TTC27: variants seen among roughly 807,000 people sequenced by gnomAD.
The protein encoded by TTC27 is tetratricopeptide repeat domain 27, also known as tetratricopeptide repeat protein 27.
Under a neutral mutation model 115.9 loss-of-function variants are expected in TTC27, and 79 were observed. That is an observed-to-expected ratio of 0.68 (90% CI 0.57 to 0.82). The LOEUF is 0.82. Among genes scored for constraint, TTC27 ranks in the 40% least tolerant of loss-of-function variants. TTC27 has a pLI of 0.00. For missense variants in TTC27, 1,054 were observed against 993.1 expected (o/e 1.06, Z -0.82); for synonymous variants, 401 against 356.0 (o/e 1.13, Z -1.42).
Position 32,752,722 on chromosome 2 carries a change from C to T in TTC27, c.1453-5570C>T, listed in dbSNP as rs377335629. ...ATTATGGTGTCTTTAAGCAAAGTAG[C>T]GCTAGTCTTATCAGATATACTCTGC... On this transcript the variant is annotated intron_variant, in intron 12 of 19. Transcript: ENST00000317907. Among the ~76,000 whole-genome samples the T allele has an allele frequency of 9.2e-5, 14 of 152,178 alleles. No individual in the cohort carries two copies. The South Asian group carries it at 2.5e-3, about 27-fold the overall frequency.
At chr2:32,668,386 AAAAAG>A (rs1039786274) in intron 7 of TTC27, among the ~76,000 whole-genome samples, 2 of 151,898 alleles carry the variant, frequency 1.3e-5, no homozygotes, top group African/African-American at 4.8e-5. Context: ...GAAAAAAAAA[AAAAAG>A]AAAAGAAAAT....
rs372817304 is a variant in TTC27, at chr2:32,787,142, A to G, written c.1991A>G (p.Asp664Gly). ...RLLDLRDKYK[D>G]VQVLKILVRA... ...TTGGACTTACGTGACAAATACAAAGATGTTCAGGTAGGATATTCCTATTCC... is the reference window on the plus strand; with the variant it reads ...TTGGACTTACGTGACAAATACAAAGGTGTTCAGGTAGGATATTCCTATTCC... The change falls in exon 16 of 20, where the codon GAT becomes GGT. Residue 664 changes from aspartate (D) to glycine (G), a missense_variant. Asp to Gly is a moderately conservative substitution (Grantham distance 94, BLOSUM62 -1). Coordinates refer to ENST00000317907, the MANE Select transcript of TTC27 (RefSeq NM_017735.5). 9.7e-5 allele frequency: 156 copies of G among 1,611,536 alleles called. No individual in the cohort carries two copies. The highest frequency in any genetic ancestry group is 1.1e-4 in the Non-Finnish European group (135 of 1,179,442).
At chr2:32,677,210 A>G (rs1417777705) in intron 8 of TTC27, among the ~76,000 whole-genome samples, 1 of 152,118 alleles carries the variant, frequency 6.6e-6, no homozygotes, top group African/African-American at 2.4e-5. Context: ...GCATGTTGTT[A>G]TATGTAGCTG....
At chr2:32,692,516 A>G (rs1666851763) in intron 9 of TTC27, among the ~76,000 whole-genome samples, 1 of 152,194 alleles carries the variant, frequency 6.6e-6, no homozygotes, top group Admixed American at 6.5e-5. Flanking sequence ...TGTACTTAAC[A>G]TTACTGAACT....
chr2:32,719,676 T>G (rs927335901), intron 10 of TTC27, among the ~76,000 whole-genome samples: 6 of 152,194 alleles, frequency 3.9e-5, no homozygotes, highest in African/African-American at 1.4e-4. Flanking sequence ...CAGACACAGC[T>G]GCAGGAGGTA....
chr2:32,757,403 A>G (rs992995593), intron 12 of TTC27, among the ~76,000 whole-genome samples: 1 of 152,170 alleles, frequency 6.6e-6, no homozygotes, highest in African/African-American at 2.4e-5. Flanking sequence ...GGGCCAGTGA[A>G]GCAGTGTTCC....
chr2:32,659,296 TTCTC>T (rs1292395578), intron 5 of TTC27, among the ~76,000 whole-genome samples: 1 of 152,000 alleles, frequency 6.6e-6, no homozygotes, highest in Non-Finnish European at 1.5e-5. Context: ...AAATTCTACA[TTCTC>T]TCTGAAGAAA....
chr2:32,685,387 T>C (rs973747244), intron 9 of TTC27, among the ~76,000 whole-genome samples: 3 of 152,166 alleles, frequency 2.0e-5, no homozygotes, highest in Non-Finnish European at 2.9e-5. Context: ...GACCGCTTTT[T>C]TTTTGTCTTC....
chr2:32,681,980 A>G (rs7597571), intron 9 of TTC27, among the ~76,000 whole-genome samples: 1,176 of 89,976 alleles, frequency 0.013, 37 homozygotes, highest in African/African-American at 0.03. Context: ...ATGTATATAT[A>G]TGTGTGTGTG....
At chr2:32,818,652 A>C in intron 19 of TTC27, among the ~76,000 whole-genome samples, 1 of 152,230 alleles carries the variant, frequency 6.6e-6, no homozygotes, top group Non-Finnish European at 1.5e-5. Context: ...AAATTTGGAC[A>C]AATATAACTT....
intron 16 of TTC27, 59 bp downstream of exon 16, chr2:32,787,208 G>T: frequency 6.6e-7 from 1 of 1,517,112 alleles, no homozygotes; most frequent in East Asian, 2.3e-5. Flanking sequence ...TTGATCATAT[G>T]GTATAAATTA....
chr2:32,790,427 A>G lies in TTC27; in HGVS notation c.1998+3278A>G, dbSNP rs184694965. ...TTTCTTTCTTGTTTATCCATTTTAT[A>G]ATTTTATTAATAATATTTTAATTGG... On this transcript the variant is annotated intron_variant, in intron 16 of 19. Transcript: ENST00000317907. 9.1e-4 allele frequency among the ~76,000 whole-genome samples: 139 copies of G among 152,166 alleles called. 3 individuals carry two copies. The highest frequency in any genetic ancestry group is 8.2e-3 in the Admixed American group (126 of 15,280).
At chr2:32,802,384 G>A (rs1670979295) in intron 16 of TTC27, among the ~76,000 whole-genome samples, 1 of 152,094 alleles carries the variant, frequency 6.6e-6, no homozygotes. Context: ...GTTTTAAACT[G>A]TGTATAAATA....
At chr2:32,782,289 A>G (rs1247918567) in intron 14 of TTC27, among the ~76,000 whole-genome samples, 1 of 152,196 alleles carries the variant, frequency 6.6e-6, no homozygotes. Flanking sequence ...AGGAAAAAAC[A>G]GTATACTGCA....
intron 6 of TTC27, among the ~76,000 whole-genome samples, chr2:32,666,016 C>A (rs1048372447): frequency 1.3e-5 from 2 of 152,148 alleles, no homozygotes; most frequent in African/African-American, 4.8e-5. Context: ...AGGATAAAAT[C>A]CAGACTTTCT....
At chr2:32,716,218 C>G (rs1271359198) in intron 10 of TTC27, among the ~76,000 whole-genome samples, 1 of 152,200 alleles carries the variant, frequency 6.6e-6, no homozygotes, top group Non-Finnish European at 1.5e-5. Context: ...CATGCCAGTA[C>G]TTGTGAATCT....
chr2:32,766,365 C>G (rs1253588909), intron 13 of TTC27: 1 of 224,652 alleles, frequency 4.5e-6, no homozygotes, highest in Non-Finnish European at 9.4e-6. Flanking sequence ...TCATTTCTAG[C>G]TTTTGATTTA....
chr2:32,789,791 T>C (rs1670467599), intron 16 of TTC27, among the ~76,000 whole-genome samples: 1 of 151,094 alleles, frequency 6.6e-6, no homozygotes. Flanking sequence ...CTGGGCTTGG[T>C]AATATGTACC....
intron 8 of TTC27, among the ~76,000 whole-genome samples, chr2:32,676,996 C>G (rs1387302618): frequency 6.6e-6 from 1 of 151,568 alleles, no homozygotes; most frequent in Non-Finnish European, 1.5e-5. Flanking sequence ...AAAAAGAACT[C>G]TGGTGAAAAG....
Sources: gnomAD v4.1 joint callset for allele counts (sites outside exome capture counted in the v4.1 genomes callset) on GRCh38, gnomAD v4.1.1 for gene constraint, MANE v1.5 for transcripts, NCBI Gene and HGNC (gene_info 2026-07-23, HGNC 2026-07-21) for gene names.